Variants in EEIG1 observed in about 807,000 individuals in gnomAD.
EEIG1 encodes the protein early estrogen-induced gene 1 protein.
chr9:127,949,578 T>G, the EEIG1 span, among the ~76,000 whole-genome samples: 5 of 152,160 alleles, frequency 3.3e-5, no homozygotes, highest in Non-Finnish European at 7.3e-5. Context: ...TGACTGAGGC[T>G]GAAAGGCTCC....
At chr9:127,980,437 T>G in the EEIG1 span, 6 of 212,866 alleles carry the variant, frequency 2.8e-5, no homozygotes, top group Non-Finnish European at 4.6e-5. Context: ...GGGGCGGAGG[T>G]GCGGGGCTGC....
At chr9:127,944,404 C>T in the EEIG1 span, 17 of 603,010 alleles carry the variant, frequency 2.8e-5, no homozygotes, top group Non-Finnish European at 3.9e-5. Context: ...CGAACCTGTC[C>T]GTGCCCTCAC....
the EEIG1 span, among the ~76,000 whole-genome samples, chr9:127,973,480 A>G: frequency 6.6e-6 from 1 of 152,196 alleles, no homozygotes; most frequent in Non-Finnish European, 1.5e-5. The surrounding 1 kb of genome is among the most constrained non-coding windows in gnomAD (Gnocchi z 4.2). Flanking sequence ...TGGCTCCACG[A>G]AGCCAGATCA....
the EEIG1 span, chr9:127,945,787 CAGGG>C: frequency 1.4e-6 from 2 of 1,399,010 alleles, no homozygotes; most frequent in Non-Finnish European, 2.0e-6. This position sits in a 1 kb window ranked among gnomAD's most constrained non-coding sequence, Gnocchi z 6.5. Flanking sequence ...GGTGAGGTGA[CAGGG>C]GTCACCCAGT....
chr9:127,940,793 G>C, the EEIG1 span: 1 of 151,302 alleles, frequency 6.6e-6, no homozygotes, highest in African/African-American at 2.4e-5. Flanking sequence ...CCTCCCTAAA[G>C]ACAGAGGAGA....
the EEIG1 span, among the ~76,000 whole-genome samples, chr9:127,970,780 C>A: frequency 6.6e-6 from 1 of 152,276 alleles, no homozygotes; most frequent in Non-Finnish European, 1.5e-5. Flanking sequence ...GCCCCTCTTT[C>A]CCGCTCAGCA....
At chr9:127,955,367 C>T in the EEIG1 span, among the ~76,000 whole-genome samples, 1 of 152,242 alleles carries the variant, frequency 6.6e-6, no homozygotes, top group Non-Finnish European at 1.5e-5. Context: ...CTCATATCCC[C>T]AGTGATTGGC....
At chr9:127,968,508 A>G in the EEIG1 span, among the ~76,000 whole-genome samples, 4 of 152,104 alleles carry the variant, frequency 2.6e-5, no homozygotes, top group Non-Finnish European at 4.4e-5. Context: ...GTAGGTCAGT[A>G]ACTAACTAAT....
At chr9:127,957,772 G>A in the EEIG1 span, among the ~76,000 whole-genome samples, 2 of 152,250 alleles carry the variant, frequency 1.3e-5, no homozygotes, top group African/African-American at 4.8e-5. Context: ...GAATACAACT[G>A]AGATTATCCA....
At chr9:127,944,574 G>T in the EEIG1 span, 89 of 1,310,164 alleles carry the variant, frequency 6.8e-5, no homozygotes, top group Non-Finnish European at 9.4e-5. Flanking sequence ...TCACCCCCAA[G>T]CCCCAGCCGC....
chr9:127,953,968 G>A, the EEIG1 span: 21 of 1,609,276 alleles, frequency 1.3e-5, no homozygotes, highest in African/African-American at 6.7e-5. Flanking sequence ...ACACACATCC[G>A]CGCCAGGGGA....
the EEIG1 span, among the ~76,000 whole-genome samples, chr9:127,949,783 CAG>C: frequency 6.6e-6 from 1 of 152,218 alleles, no homozygotes; most frequent in Non-Finnish European, 1.5e-5. Flanking sequence ...GGTGTGGAAA[CAG>C]AGGAAGAGAG....
chr9:127,958,887 AG>A, the EEIG1 span, among the ~76,000 whole-genome samples: 1 of 152,232 alleles, frequency 6.6e-6, no homozygotes, highest in East Asian at 1.9e-4. Context: ...ATTTCTCCAA[AG>A]AACATACACA....
chr9:127,948,523 C>G, the EEIG1 span: 3 of 1,066,070 alleles, frequency 2.8e-6, no homozygotes, highest in Admixed American at 1.9e-5. Flanking sequence ...GGATTCCAAT[C>G]CTGTCTCTCT....
chr9:127,959,307 C>G, the EEIG1 span, among the ~76,000 whole-genome samples: 1 of 152,210 alleles, frequency 6.6e-6, no homozygotes, highest in Admixed American at 6.5e-5. Context: ...AATGGTGTAT[C>G]ATTCAGCAAT....
chr9:127,978,464 G>C, the EEIG1 span, among the ~76,000 whole-genome samples: 1 of 152,174 alleles, frequency 6.6e-6, no homozygotes, highest in Non-Finnish European at 1.5e-5. Flanking sequence ...GGCAGACCAG[G>C]TAGGGAAGCA....
At chr9:127,963,367 C>A in the EEIG1 span, among the ~76,000 whole-genome samples, 1 of 152,244 alleles carries the variant, frequency 6.6e-6, no homozygotes, top group South Asian at 2.1e-4. Context: ...CAGTGATGAA[C>A]GGCCCTCCCG....
At chr9:127,971,170 G>C in the EEIG1 span, among the ~76,000 whole-genome samples, 108 of 152,350 alleles carry the variant, frequency 7.1e-4, no homozygotes, top group Middle Eastern at 3.4e-3. Flanking sequence ...TCTGGGCAGG[G>C]TTAGTCTGTT....
the EEIG1 span, among the ~76,000 whole-genome samples, chr9:127,956,128 G>C: frequency 6.6e-6 from 1 of 152,190 alleles, no homozygotes; most frequent in African/African-American, 2.4e-5. Flanking sequence ...CACAGGAGTG[G>C]GGGCCCTAGG....
Sources: gnomAD v4.1 joint callset for allele counts (sites outside exome capture counted in the v4.1 genomes callset) on GRCh38, gnomAD v4.1.1 for gene constraint, Gnocchi (gnomAD v3.1) non-coding constraint, MANE v1.5 for transcripts, NCBI Gene and HGNC (gene_info 2026-07-23, HGNC 2026-07-21) for gene names.